Variants in FRMD4A observed in about 807,000 individuals in gnomAD.
FRMD4A encodes FERM domain-containing protein 4A.
In FRMD4A, 29 loss-of-function variants were observed where a neutral mutation model predicts 129.1. That is an observed-to-expected ratio of 0.22 (90% confidence interval 0.17 to 0.31). The LOEUF (loss-of-function observed/expected upper bound fraction) is 0.31. Among genes scored for constraint, FRMD4A ranks in the 10% least tolerant of loss-of-function variants. FRMD4A has a pLI of 1.00. For synonymous variants in FRMD4A, 634 were observed against 571.6 expected (o/e 1.11, Z -1.56); for missense variants, 1,272 against 1,375.8 (o/e 0.92, Z 1.19).
At chr10:14,204,909 AAGG>A (rs1179276158) in intron 2 of FRMD4A, among the ~76,000 whole-genome samples, 1 of 152,216 alleles carries the variant, frequency 6.6e-6, no homozygotes, top group Non-Finnish European at 1.5e-5. Context: ...TTTAACCAGG[AAGG>A]AGAAGAACCG....
At chr10:14,222,675 C>T (rs1843300147) in intron 2 of FRMD4A, among the ~76,000 whole-genome samples, 1 of 152,224 alleles carries the variant, frequency 6.6e-6, no homozygotes, top group African/African-American at 2.4e-5. Flanking sequence ...TCCCTCCCCA[C>T]TGCAGAATCA....
At chr10:14,300,016 C>A (rs1028834849) in intron 2 of FRMD4A, among the ~76,000 whole-genome samples, 1 of 151,882 alleles carries the variant, frequency 6.6e-6, no homozygotes, top group Non-Finnish European at 1.5e-5. Flanking sequence ...TCCCAAGGAA[C>A]AAATTTCTCC....
chr10:13,666,373 G>T, intron 17 of FRMD4A, 48 bp from the exon 18 acceptor site: 1 of 1,331,400 alleles, frequency 7.5e-7, no homozygotes, highest in Non-Finnish European at 1.1e-6. Flanking sequence ...TGCTGAGCAG[G>T]GAGACCCTCA....
intron 2 of FRMD4A, among the ~76,000 whole-genome samples, chr10:14,265,793 G>A (rs1055188410): frequency 3.9e-5 from 6 of 152,166 alleles, no homozygotes; most frequent in Admixed American, 2.0e-4. Context: ...CAGAAGGGTC[G>A]GGAATGTGAC....
chr10:14,005,105 C>T (rs892711169), intron 2 of FRMD4A, among the ~76,000 whole-genome samples: 1 of 152,120 alleles, frequency 6.6e-6, no homozygotes, highest in African/African-American at 2.4e-5. Flanking sequence ...TCACAGCAAC[C>T]TCCACCTCCC....
chr10:13,695,414 T>G lies in FRMD4A; in HGVS notation c.976-1375A>C, dbSNP rs11816742. Among the ~76,000 whole-genome samples, 1,268 of 152,342 alleles carry G rather than the reference T, an allele frequency of 8.3e-3. 20 individuals carry two copies. The highest frequency in any genetic ancestry group is 0.029 in the African/African-American group (1,203 of 41,582). On this transcript the variant is annotated intron_variant, in intron 14 of 24. Transcript: ENST00000357447. ...CTGCAGCCTCCCAAAGTGCTGGGAT[T>G]ACAGGCGTGAGCCACCGCGCCTGGC...
chr10:13,671,586 T>C (rs913703263), intron 16 of FRMD4A, among the ~76,000 whole-genome samples: 1 of 152,214 alleles, frequency 6.6e-6, no homozygotes, highest in Non-Finnish European at 1.5e-5. Context: ...ACAGTGAATT[T>C]AGTTGACAGA....
At position 13,659,334 on chromosome 10, in the gene FRMD4A, G is replaced by C. The variant is rs139547009; in HGVS notation, c.2055C>G (p.Val685=). The part of the protein sequence containing the change: ...PDLRVRSPHY[V]HSTRSVDISP... ...CCAGGCAGACTCACCTCGTGGAATG[G>C]ACGTAGTGGGGACTCCGGACCCGCA... Residue 685 remains valine, a synonymous_variant, in exon 21 of 25, where the codon GTC becomes GTG. Coordinates refer to ENST00000357447, the MANE Select transcript of FRMD4A (RefSeq NM_018027.5). 8 of 1,614,008 alleles carry C rather than the reference G, an allele frequency of 5.0e-6. No individual in the cohort carries two copies. The highest frequency in any genetic ancestry group is 4.4e-5 in the South Asian group (4 of 91,076).
At chr10:13,790,516 G>A (rs576675153) in intron 5 of FRMD4A, among the ~76,000 whole-genome samples, 1 of 152,348 alleles carries the variant, frequency 6.6e-6, no homozygotes, top group African/African-American at 2.4e-5. Context: ...GAGCAGAGCA[G>A]GGAACCTGCC....
intron 2 of FRMD4A, among the ~76,000 whole-genome samples, chr10:14,299,344 G>A (rs1589281149): frequency 6.6e-6 from 1 of 152,160 alleles, no homozygotes. Flanking sequence ...GGCTGGCCTG[G>A]GGAGAAGCTA....
At chr10:14,005,131 C>G (rs2095657457) in intron 2 of FRMD4A, among the ~76,000 whole-genome samples, 1 of 151,882 alleles carries the variant, frequency 6.6e-6, no homozygotes, top group African/African-American at 2.4e-5. Flanking sequence ...CAAGCGATTC[C>G]CCTGCCACAG....
chr10:13,966,778 T>C (rs779952097), intron 2 of FRMD4A, among the ~76,000 whole-genome samples: 11 of 152,258 alleles, frequency 7.2e-5, no homozygotes, highest in Non-Finnish European at 1.2e-4. Flanking sequence ...TGCACACGCA[T>C]GTTTATAGCA....
intron 2 of FRMD4A, among the ~76,000 whole-genome samples, chr10:13,884,206 A>ACT (rs35380428): frequency 3.6e-5 from 3 of 83,336 alleles, no homozygotes; most frequent in East Asian, 7.0e-4. Context: ...TCACACACAC[A>ACT]CTCACACACA....
chr10:13,835,222 A>T (rs1305586375), intron 3 of FRMD4A, among the ~76,000 whole-genome samples: 1 of 152,002 alleles, frequency 6.6e-6, no homozygotes, highest in Admixed American at 6.6e-5. Flanking sequence ...AACCTACTTA[A>T]CTCTTTGTGC....
At chr10:14,018,107 C>T (rs1172732611) in intron 2 of FRMD4A, among the ~76,000 whole-genome samples, 1 of 152,026 alleles carries the variant, frequency 6.6e-6, no homozygotes, top group African/African-American at 2.4e-5. Flanking sequence ...ATGAAAATTA[C>T]ATGAGATAGC....
At chr10:14,271,746 T>G (rs1845170064) in intron 2 of FRMD4A, among the ~76,000 whole-genome samples, 1 of 152,218 alleles carries the variant, frequency 6.6e-6, no homozygotes, top group Non-Finnish European at 1.5e-5. Context: ...TATAAAAATG[T>G]AAAGCTCACT....
At chr10:13,684,988 T>G in intron 15 of FRMD4A, 5 of 983,872 alleles carry the variant, frequency 5.1e-6, no homozygotes, top group Non-Finnish European at 6.0e-6. Context: ...GAATTCTTCT[T>G]TATGATAAAA....
chr10:14,105,079 C>T (rs1837518656), intron 2 of FRMD4A, among the ~76,000 whole-genome samples: 1 of 152,194 alleles, frequency 6.6e-6, no homozygotes. Flanking sequence ...ATTCTCACAA[C>T]CTCAGCTTAC....
At chr10:13,678,756 C>T (rs142642487) in intron 15 of FRMD4A, among the ~76,000 whole-genome samples, 150 of 152,322 alleles carry the variant, frequency 9.8e-4, no homozygotes, top group African/African-American at 3.2e-3. Flanking sequence ...AGGAACAATA[C>T]GAACTAGGCA....
Sources: allele counts gnomAD v4.1 joint callset (sites outside exome capture counted in the v4.1 genomes callset), GRCh38; gene constraint gnomAD v4.1.1; transcripts MANE v1.5; gene names NCBI Gene and HGNC (gene_info 2026-07-23, HGNC 2026-07-21).